The following GOSR1 variants were observed in gnomAD, a reference collection of about 807,000 sequenced individuals.
The protein encoded by GOSR1 is 28 kDa Golgi SNARE protein.
Under a neutral mutation model 35.5 loss-of-function variants are expected in GOSR1, and 21 were observed. The observed-to-expected ratio is 0.59, with a 90% CI of 0.42 to 0.85. The LOEUF (loss-of-function observed/expected upper bound fraction) is 0.85. GOSR1 is among the 40% of genes least tolerant of loss of function. The pLI, the probability that GOSR1 is intolerant of heterozygous loss-of-function variation, is 0.00. For synonymous variants in GOSR1, 94 were observed against 106.6 expected, an observed-to-expected ratio of 0.88 and a Z score of 0.73; for missense variants, 285 against 309.6, an observed-to-expected ratio of 0.92 and a Z score of 0.60.
chr17:30,488,686 G>A (rs533158927), intron 4 of GOSR1, among the ~76,000 whole-genome samples: 35 of 151,924 alleles, frequency 2.3e-4, no homozygotes, highest in Non-Finnish European at 4.0e-4. Context: ...CTACAGGTGC[G>A]TTCCACCACA....
Position 30,484,743 on chromosome 17 carries a change from A to G in GOSR1, c.315A>G (p.Thr105=), listed in dbSNP as rs1230885966. The change falls in exon 4 of 9, where the codon ACA becomes ACG. Residue 105 remains threonine, a synonymous_variant. Transcript: ENST00000451249. ...VPSLNAALMH[T]LQRHRDILQD... is the part of the protein sequence containing the mutation. ...CCTTGAATGCAGCCCTGATGCATAC[A>G]TTACAGCGGCATAGAGACATATTGC... 1.9e-6 allele frequency: 3 copies of G among 1,588,736 alleles called. No individual in the cohort carries two copies. Among genetic ancestry groups the G allele is most frequent in the Non-Finnish European group, 8.6e-7 (1 of 1,157,154 alleles).
intron 5 of GOSR1, among the ~76,000 whole-genome samples, chr17:30,490,773 T>C (rs1914994122): frequency 6.6e-6 from 1 of 152,170 alleles, no homozygotes. Context: ...TTTTAAATAT[T>C]TGTTTTTTTC....
At chr17:30,483,839 A>G (rs1567896814) in intron 2 of GOSR1, among the ~76,000 whole-genome samples, 1 of 152,364 alleles carries the variant, frequency 6.6e-6, no homozygotes, top group East Asian at 1.9e-4. Context: ...CAATTCTACA[A>G]AACAAAAGGA....
At chr17:30,508,213 A>G (rs1466838822) in intron 6 of GOSR1, among the ~76,000 whole-genome samples, 2 of 151,730 alleles carry the variant, frequency 1.3e-5, no homozygotes, top group African/African-American at 4.8e-5. Flanking sequence ...AAAATTAGTA[A>G]ATTAATAGAT....
intron 6 of GOSR1, among the ~76,000 whole-genome samples, chr17:30,509,819 G>T (rs935100220): frequency 5.9e-5 from 9 of 152,054 alleles, no homozygotes; most frequent in African/African-American, 1.7e-4. Flanking sequence ...AAAAAAGCCT[G>T]TTTCCCAAAA....
rs1010741852 is a variant in GOSR1 at position 30,486,017 on chromosome 17, T to C, written c.342+1247T>C. 4.0e-4 allele frequency among the ~76,000 whole-genome samples: 43 copies of C among 107,264 alleles called. 1 individual carries two copies. Among genetic ancestry groups the C allele is most frequent in the African/African-American group, 1.5e-3 (40 of 26,082 alleles). The allele number at this position is 107,264 out of a possible 152,430, so 70.4% of individuals were successfully genotyped here. On this transcript the variant is annotated intron_variant, in intron 4 of 8. Transcript: ENST00000451249. ...CCTAGGCTACAAGACTGAGACTCCA[T>C]CTAAAAAAAAAAAAAAAAAAAAAGT... is the stretch of plus-strand genomic sequence containing the variant.
In GOSR1 at chr17:30,513,961, A is replaced by G. The variant is rs553451888; in HGVS notation, c.539+3052A>G. Among the ~76,000 whole-genome samples, 6 of 152,324 alleles carry G rather than the reference A, an allele frequency of 3.9e-5. No homozygotes were observed. In the South Asian group the frequency reaches 1.2e-3, roughly 32 times the overall value. On this transcript the variant is annotated intron_variant, in intron 7 of 8. Transcript: ENST00000451249. ...TGTCTCAAAAAAATAATAATATATC[A>G]TTCAAAGATTGATATATGGGCCAGC...
intron 6 of GOSR1, among the ~76,000 whole-genome samples, chr17:30,494,088 A>G (rs1463849846): frequency 6.6e-6 from 1 of 151,996 alleles, no homozygotes; most frequent in Non-Finnish European, 1.5e-5. Context: ...CTTCTTCATA[A>G]ATATTGTTTT....
At chr17:30,484,877 A>G in intron 4 of GOSR1, 107 bp downstream of exon 4, 1 of 722,710 alleles carries the variant, frequency 1.4e-6, no homozygotes, top group South Asian at 1.5e-5. Context: ...GACAAAGAGA[A>G]AAATCTGAGA....
chr17:30,498,300 A>G (rs1027716071), intron 6 of GOSR1, among the ~76,000 whole-genome samples: 1 of 152,058 alleles, frequency 6.6e-6, no homozygotes, highest in Non-Finnish European at 1.5e-5. Flanking sequence ...TGTGGAAAGT[A>G]TTGTGCTGGG....
intron 7 of GOSR1, among the ~76,000 whole-genome samples, chr17:30,516,841 G>A (rs1967837942): frequency 6.6e-6 from 1 of 152,134 alleles, no homozygotes. Context: ...CAGCCTCCCA[G>A]TAGCTGGGAT....
At chr17:30,496,490 C>T (rs1967008606) in intron 6 of GOSR1, among the ~76,000 whole-genome samples, 2 of 152,186 alleles carry the variant, frequency 1.3e-5, no homozygotes, top group Non-Finnish European at 2.9e-5. Flanking sequence ...ACATACCTTT[C>T]TTACTTCTCT....
At chr17:30,482,402 A>G (rs965367098) in intron 2 of GOSR1, among the ~76,000 whole-genome samples, 1 of 152,186 alleles carries the variant, frequency 6.6e-6, no homozygotes. Flanking sequence ...TGTTCATTAT[A>G]TGTTAGGTAA....
At chr17:30,514,879 T>A (rs1471063367) in intron 7 of GOSR1, among the ~76,000 whole-genome samples, 1 of 152,244 alleles carries the variant, frequency 6.6e-6, no homozygotes, top group Non-Finnish European at 1.5e-5. Context: ...TTCATTTAAT[T>A]TACATGAGCT....
chr17:30,519,910 T>G (rs756491682), intron 7 of GOSR1, 29 bp from the exon 8 acceptor site: 1 of 1,359,178 alleles, frequency 7.4e-7, no homozygotes, highest in Non-Finnish European at 1.1e-6. Flanking sequence ...TCTTAAATGG[T>G]GATTTGTCAT....
intron 2 of GOSR1, among the ~76,000 whole-genome samples, chr17:30,483,436 C>T (rs7350978): frequency 6.6e-6 from 1 of 152,006 alleles, no homozygotes; most frequent in African/African-American, 2.4e-5. Context: ...CAGTTTTTTC[C>T]TTCCTTCATG....
chr17:30,516,268 A>C (rs1967806436), intron 7 of GOSR1, among the ~76,000 whole-genome samples: 1 of 152,074 alleles, frequency 6.6e-6, no homozygotes, highest in South Asian at 2.1e-4. Context: ...CAGGAGTTCG[A>C]GACCATCCTG....
intron 7 of GOSR1, among the ~76,000 whole-genome samples, chr17:30,515,552 A>G (rs1038991335): frequency 3.9e-5 from 6 of 152,096 alleles, no homozygotes; most frequent in Non-Finnish European, 8.8e-5. Context: ...AGGAAGGGCA[A>G]TTTTGGGTTA....
chr17:30,477,967 C>T, intron 1 of GOSR1: 1 of 981,580 alleles, frequency 1.0e-6, no homozygotes. Context: ...CAGAATGTCT[C>T]TTATTGGGTC....
Sources: allele counts gnomAD v4.1 joint callset (sites outside exome capture counted in the v4.1 genomes callset), GRCh38; gene constraint gnomAD v4.1.1; transcripts MANE v1.5; gene names NCBI Gene and HGNC (gene_info 2026-07-23, HGNC 2026-07-21).